KBTBD11: variants seen among roughly 807,000 people sequenced by gnomAD.
KBTBD11 encodes kelch repeat and BTB domain containing 11.
For missense variants in KBTBD11, 1,390 were observed against 1,001.8 expected (o/e 1.39, Z -5.23); for synonymous variants, 747 against 499.0 (o/e 1.50, Z -6.63).
intron 1 of KBTBD11, among the ~76,000 whole-genome samples, chr8:1,989,240 C>G (rs1255789805): frequency 1.3e-5 from 2 of 152,214 alleles, no homozygotes; most frequent in East Asian, 3.9e-4. Context: ...GTTTCCACCC[C>G]AAGGACACTC....
At chr8:1,974,938 A>C (rs1185446374) in intron 1 of KBTBD11, 1 of 156,686 alleles carries the variant, frequency 6.4e-6, no homozygotes, top group East Asian at 1.9e-4. Context: ...TCAGGCCCTG[A>C]GTGAGAAGTT....
chr8:2,003,166 C>T lies in KBTBD11; in HGVS notation c.*102C>T. On this transcript the variant is annotated 3_prime_UTR_variant, in exon 2 of 2. Coordinates refer to ENST00000320248, the MANE Select transcript of KBTBD11 (RefSeq NM_014867.3). ...GTGGTGGGGAGTCGGGGCCGCTGGCCACGCTGGTGGTTTGGACACTTCGAA... is the reference window on the plus strand; with the variant it reads ...GTGGTGGGGAGTCGGGGCCGCTGGCTACGCTGGTGGTTTGGACACTTCGAA... 1 of 1,246,456 alleles carries T rather than the reference C, an allele frequency of 8.0e-7. No homozygotes were observed. Among genetic ancestry groups the T allele is most frequent in the Non-Finnish European group, 1.0e-6 (1 of 988,032 alleles). 77.2% of individuals were successfully genotyped at this position (1,246,456 alleles called of 1,614,324 possible).
At chr8:1,988,840 G>A (rs11787393) in intron 1 of KBTBD11, among the ~76,000 whole-genome samples, 88,213 of 150,772 alleles carry the variant, frequency 0.59, 30,214 homozygotes, top group East Asian at 0.83. Flanking sequence ...AAGTAAATGA[G>A]CAAATGAATG....
chr8:1,977,356 G>C (rs1338817425), intron 1 of KBTBD11, among the ~76,000 whole-genome samples: 1 of 152,132 alleles, frequency 6.6e-6, no homozygotes, highest in African/African-American at 2.4e-5. Flanking sequence ...TTATTAGAAA[G>C]GTGTAGAGTC....
intron 1 of KBTBD11, among the ~76,000 whole-genome samples, chr8:1,987,515 G>A (rs1283469542): frequency 6.6e-6 from 1 of 151,982 alleles, no homozygotes; most frequent in Non-Finnish European, 1.5e-5. Flanking sequence ...AAGGTGACCG[G>A]GCCCTTGTGC....
chr8:2,002,600 C>T lies in KBTBD11; in HGVS notation c.1408C>T (p.Leu470=), dbSNP rs201339912. The change falls in exon 2 of 2, where the codon CTG becomes TTG. Residue 470 remains leucine, a synonymous_variant. Transcript: ENST00000320248. The surrounding 1 kb of genome is among the most constrained non-coding windows in gnomAD (Gnocchi z 4.1). ...YVSGGSLFYR[L]LKYDPRRDEW... is the part of the protein sequence containing the mutation. ...GTCCGGGGGCTCCCTCTTCTATCGC[C>T]TGCTCAAGTATGACCCGCGGCGCGA... The T allele has an allele frequency of 1.1e-5, 18 of 1,585,982 alleles. No individual in the cohort carries two copies. The Admixed American group carries it at 1.9e-4, about 16-fold the overall frequency.
rs1817343424 is a variant in KBTBD11 at position 2,001,367 on chromosome 8, G to A, written c.175G>A (p.Glu59Lys). The A allele has an allele frequency of 1.4e-6, 2 of 1,474,732 alleles. No individual in the cohort carries two copies. Among genetic ancestry groups the A allele is most frequent in the African/African-American group, 2.9e-5 (2 of 68,312 alleles). The allele number at this position is 1,474,732 out of a possible 1,614,324, so 91.4% of individuals were successfully genotyped here. A position where few individuals can be genotyped will look rare whatever the true frequency, so the allele number is the denominator to read the frequency against. The change falls in exon 2 of 2, where the codon GAA becomes AAA. Residue 59 changes from glutamate to lysine, a missense_variant. Glu to Lys is a moderately conservative substitution (Grantham distance 56). Transcript: ENST00000320248. ...SPPQSLASAA[E>K]GAATSPPSSG... is the part of the protein sequence containing the mutation. ...GCCGCAGTCCCTCGCCTCAGCGGCGGAAGGCGCGGCCACCTCCCCGCCCTC... is the reference window on the plus strand; with the variant it reads ...GCCGCAGTCCCTCGCCTCAGCGGCGAAAGGCGCGGCCACCTCCCCGCCCTC...
Position 2,002,320 on chromosome 8 carries a change from G to A in KBTBD11, c.1128G>A (p.Ala376=), listed in dbSNP as rs1239451691. The A allele has an allele frequency of 2.9e-6, 4 of 1,378,172 alleles. No individual in the cohort carries two copies. In the African/African-American group the frequency reaches 4.7e-5, roughly 16 times the overall value. The allele number at this position is 1,378,172 out of a possible 1,614,324, so 85.4% of individuals were successfully genotyped here. ...CGCCCGCGGGCCCCGACGGCCGCGCGCGCCCGTCCGACCAGGTCTTCTGCT... is the reference window on the plus strand; with the variant it reads ...CGCCCGCGGGCCCCGACGGCCGCGCACGCCCGTCCGACCAGGTCTTCTGCT... ...GVAPAGPDGR[A]RPSDQVFCYN... Residue 376 remains alanine (A), a synonymous_variant, in exon 2 of 2, where the codon GCG becomes GCA. Coordinates refer to ENST00000320248, the MANE Select transcript of KBTBD11 (RefSeq NM_014867.3). The surrounding 1 kb of genome is among the most constrained non-coding windows in gnomAD (Gnocchi z 4.1).
chr8:1,982,332 A>G (rs1463289304), intron 1 of KBTBD11, among the ~76,000 whole-genome samples: 1 of 152,226 alleles, frequency 6.6e-6, no homozygotes, highest in Admixed American at 6.5e-5. Context: ...GCAAGAGAGG[A>G]AGAAAGGAAC....
intron 1 of KBTBD11, among the ~76,000 whole-genome samples, chr8:1,975,731 C>A (rs1391616166): frequency 1.3e-5 from 2 of 152,224 alleles, no homozygotes; most frequent in Non-Finnish European, 1.5e-5. Flanking sequence ...AAGAAATTCC[C>A]AGGGAGCAGG....
At chr8:1,974,657 C>A in intron 1 of KBTBD11, 1 of 985,372 alleles carries the variant, frequency 1.0e-6, no homozygotes, top group Non-Finnish European at 1.2e-6. Context: ...CCCTTGCAGC[C>A]CCCGCCCCAT....
rs1166418323 is a variant in KBTBD11, at chr8:2,001,621, G to C, written c.429G>C (p.Val143=). The change falls in exon 2 of 2, where the codon GTG becomes GTC. Residue 143 remains valine, a synonymous_variant. Coordinates refer to ENST00000320248, the MANE Select transcript of KBTBD11 (RefSeq NM_014867.3). ...FGAVYGEPDL[V]LEVSGRRLRA... Reference sequence around the variant, plus strand: ...CGGTGTACGGGGAGCCGGACCTGGTGCTGGAGGTGTCGGGGCGCCGGCTGC... The same window carrying C: ...CGGTGTACGGGGAGCCGGACCTGGTCCTGGAGGTGTCGGGGCGCCGGCTGC... The C allele has an allele frequency of 2.0e-6, 3 of 1,480,648 alleles. No individual in the cohort carries two copies. The highest frequency in any genetic ancestry group is 2.7e-6 in the Non-Finnish European group (3 of 1,121,208). The allele number at this position is 1,480,648 out of a possible 1,614,324, so 91.7% of individuals were successfully genotyped here.
intron 1 of KBTBD11, among the ~76,000 whole-genome samples, chr8:1,989,921 T>A (rs1407302322): frequency 1.1e-5 from 1 of 89,242 alleles, no homozygotes; most frequent in Non-Finnish European, 2.2e-5. Context: ...ATGTCTCAGG[T>A]GGTTTTTTTT....
chr8:1,974,383 G>A, intron 1 of KBTBD11: 1 of 984,900 alleles, frequency 1.0e-6, no homozygotes, highest in Non-Finnish European at 1.2e-6. Context: ...AGCAGGAGCA[G>A]AAGCCGAAGC....
At chr8:1,979,283 A>G (rs1028275474) in intron 1 of KBTBD11, among the ~76,000 whole-genome samples, 1 of 152,240 alleles carries the variant, frequency 6.6e-6, no homozygotes, top group African/African-American at 2.4e-5. Context: ...TATTGTGAAT[A>G]GAAACATGCT....
intron 1 of KBTBD11, among the ~76,000 whole-genome samples, chr8:1,984,907 CTGTT>C (rs1563365729): frequency 2.6e-5 from 4 of 152,306 alleles, no homozygotes; most frequent in South Asian, 4.2e-4. Context: ...GAAAGGGTCT[CTGTT>C]TGCAAAGCCC....
chr8:2,006,175 T>C lies in KBTBD11; in HGVS notation c.*3111T>C, dbSNP rs1202616040. ...AGTAAGAAATTAATCATCTGCTCTG[T>C]TTCTGCTAATTTCTGGTGTCACTTC... On this transcript the variant is annotated 3_prime_UTR_variant, in exon 2 of 2. Coordinates refer to ENST00000320248, the MANE Select transcript of KBTBD11 (RefSeq NM_014867.3). 4 of 167,134 alleles carry C rather than the reference T, an allele frequency of 2.4e-5. No individual in the cohort carries two copies. Among genetic ancestry groups the C allele is most frequent in the Non-Finnish European group, 5.9e-5 (4 of 68,134 alleles). The allele number at this position is 167,134 out of a possible 1,614,324, so 10.4% of individuals were successfully genotyped here.
At chr8:1,997,331 G>T (rs1366817143) in intron 1 of KBTBD11, among the ~76,000 whole-genome samples, 2 of 151,760 alleles carry the variant, frequency 1.3e-5, no homozygotes, top group African/African-American at 4.8e-5. Flanking sequence ...TGCCTCAGAG[G>T]ACTGCTAGAC....
At chr8:1,988,872 T>A (rs4532639) in intron 1 of KBTBD11, among the ~76,000 whole-genome samples, 140,084 of 152,302 alleles carry the variant, frequency 0.92, 64,511 homozygotes, top group East Asian at 1. Context: ...TTAATTATCA[T>A]TATTAACATA....
Sources: gnomAD v4.1 joint callset for allele counts (sites outside exome capture counted in the v4.1 genomes callset) on GRCh38, gnomAD v4.1.1 for gene constraint, Gnocchi (gnomAD v3.1) non-coding constraint, MANE v1.5 for transcripts, NCBI Gene and HGNC (gene_info 2026-07-23, HGNC 2026-07-21) for gene names.